EFHC2: variants seen among roughly 807,000 people sequenced by gnomAD.
EFHC2 encodes the protein EF-hand domain containing 2.
A neutral mutation model predicts 52.7 loss-of-function variants in EFHC2; 18 were observed. The ratio of observed to expected loss-of-function variants is 0.34; its 90% CI spans 0.24 to 0.51. EFHC2 has a LOEUF of 0.51. Ranked by LOEUF, EFHC2 falls within the 20% of genes least tolerant of loss-of-function variation. The probability of loss-of-function intolerance (pLI) is 0.97; values close to 1 mark genes in which losing one functional copy is unlikely to be tolerated. For missense variants in EFHC2, 513 were observed against 562.5 expected (o/e 0.91, Z 0.89); for synonymous variants, 203 against 204.1 (o/e 0.99, Z 0.04).
intron 3 of EFHC2, among the ~76,000 whole-genome samples, chrX:44,263,870 G>A (rs185153713): frequency 4.5e-5 from 5 of 111,456 alleles, no homozygotes; most frequent in Admixed American, 9.5e-5. Context: ...GCAAGTTAGC[G>A]ATGATTTTTG....
intron 14 of EFHC2, among the ~76,000 whole-genome samples, chrX:44,156,051 C>T (rs771314585): frequency 8.0e-5 from 9 of 112,402 alleles, no homozygotes; most frequent in Non-Finnish European, 1.3e-4. Context: ...AGCTAAAAGA[C>T]AGGCGTAGTT....
At chrX:44,280,027 C>CCCTACA (rs2037690323) in intron 2 of EFHC2, among the ~76,000 whole-genome samples, 1 of 76,198 alleles carries the variant, frequency 1.3e-5, no homozygotes, top group African/African-American at 8.2e-5. Context: ...CCACCATCCC[C>CCCTACA]CATACACACA....
chrX:44,330,085 CAAAAAAA>C (rs34888507), intron 1 of EFHC2, among the ~76,000 whole-genome samples: 17 of 46,386 alleles, frequency 3.7e-4, no homozygotes, highest in African/African-American at 1.4e-3. Context: ...CCTGTCTCTA[CAAAAAAA>C]AAAAAAAAAA....
chrX:44,231,489 G>T (rs2037276660), intron 10 of EFHC2, among the ~76,000 whole-genome samples: 2 of 109,784 alleles, frequency 1.8e-5, no homozygotes, highest in Admixed American at 1.9e-4. Context: ...TTCCATAGGG[G>T]TTCAACCTGC....
At chrX:44,172,068 T>A (rs906014716) in intron 13 of EFHC2, among the ~76,000 whole-genome samples, 7 of 111,981 alleles carry the variant, frequency 6.3e-5, no homozygotes, top group South Asian at 3.8e-4. Context: ...TAGACTATAA[T>A]GAGATGATTT....
rs1259914748 is a variant in EFHC2, at chrX:44,148,322, G to C, written c.*473C>G. On this transcript the variant is annotated 3_prime_UTR_variant, in exon 15 of 15. Coordinates refer to ENST00000420999, the MANE Select transcript of EFHC2 (RefSeq NM_025184.4). ...AGATAAATATATTTACTCTAGAGAG[G>C]TTTAAGAATTATTTTGATGAGGTGG... The C allele has an allele frequency of 8.6e-6, 1 of 116,580 alleles. No homozygotes were observed. Among genetic ancestry groups the C allele is most frequent in the Non-Finnish European group, 1.7e-5 (1 of 57,825 alleles). 9.6% of individuals were successfully genotyped at this position (116,580 alleles called of 1,213,427 possible).
At chrX:44,321,025 G>A (rs192430452) in intron 1 of EFHC2, among the ~76,000 whole-genome samples, 98 of 111,846 alleles carry the variant, frequency 8.8e-4, no homozygotes, top group Non-Finnish European at 1.7e-3. Flanking sequence ...AAGAACTGGG[G>A]ATATTGCAAT....
At chrX:44,293,123 C>T (rs1432453720) in intron 2 of EFHC2, among the ~76,000 whole-genome samples, 5 of 109,473 alleles carry the variant, frequency 4.6e-5, no homozygotes, top group East Asian at 2.9e-4. Context: ...ATTACAGGTA[C>T]GTGCCACCAT....
rs186129923 is a variant in EFHC2, at chrX:44,148,615, G to C, written c.*180C>G. On this transcript the variant is annotated 3_prime_UTR_variant, in exon 15 of 15. Transcript: ENST00000420999. ...GCATTTTAAATAGTAACAGTACGTC[G>C]GCAATGTAACATGATGTTCTGTAAA... 1 of 397,296 alleles carries C rather than the reference G, an allele frequency of 2.5e-6. No individual in the cohort carries two copies. 32.7% of individuals were successfully genotyped at this position (397,296 alleles called of 1,213,427 possible). A position where few individuals can be genotyped will look rare whatever the true frequency, so the allele number is the denominator to read the frequency against.
At chrX:44,314,002 AAAAAATAT>A (rs1483573758) in intron 1 of EFHC2, among the ~76,000 whole-genome samples, 1 of 111,846 alleles carries the variant, frequency 8.9e-6, no homozygotes, top group Non-Finnish European at 1.9e-5. Flanking sequence ...ACTGCCAGGC[AAAAAATAT>A]AGGTAGCTGA....
chrX:44,232,701 G>C (rs1007421817), intron 9 of EFHC2, 24 bp from the exon 10 acceptor site: 2 of 1,159,833 alleles, frequency 1.7e-6, no homozygotes, highest in Non-Finnish European at 2.3e-6. Flanking sequence ...AAAAGTTCAT[G>C]AGCAGCCTTT....
intron 13 of EFHC2, among the ~76,000 whole-genome samples, chrX:44,168,546 A>C (rs2036717811): frequency 9.1e-6 from 1 of 110,392 alleles, no homozygotes; most frequent in Non-Finnish European, 1.9e-5. Context: ...GAAAAAAAAA[A>C]AAAAGAAAGC....
chrX:44,187,135 G>GTATATATATA (rs746801274), intron 11 of EFHC2, among the ~76,000 whole-genome samples: 770 of 61,736 alleles, frequency 0.012, 93 homozygotes, highest in African/African-American at 0.048. Context: ...AAACAAAATG[G>GTATATATATA]TATATATATA....
rs138187396 is a variant in EFHC2 at position 44,202,657 on chromosome X, G to A, written c.1752-24093C>T. 4.8e-3 allele frequency among the ~76,000 whole-genome samples: 530 copies of A among 111,217 alleles called. 6 individuals are homozygous for A. Among genetic ancestry groups the A allele is most frequent in the African/African-American group, 0.017 (515 of 30,526 alleles). On this transcript the variant is annotated intron_variant, in intron 11 of 14. Coordinates refer to ENST00000420999, the MANE Select transcript of EFHC2 (RefSeq NM_025184.4). Reference sequence around the variant, plus strand: ...ACTCTCAGACTGAAACTGAGATGGAGGGTACCACACCAGCTGTGCACATGT... The same window carrying A: ...ACTCTCAGACTGAAACTGAGATGGAAGGTACCACACCAGCTGTGCACATGT...
intron 2 of EFHC2, chrX:44,310,437 G>A: frequency 1.1e-6 from 1 of 941,889 alleles, no homozygotes. Flanking sequence ...AGCTGCTGCG[G>A]GTCCGTAATG....
chrX:44,260,439 C>A (rs1849529459), intron 4 of EFHC2, among the ~76,000 whole-genome samples: 1 of 110,926 alleles, frequency 9.0e-6, no homozygotes, highest in Non-Finnish European at 1.9e-5. Flanking sequence ...AAATTTGGGC[C>A]CAGGGACTGT....
At chrX:44,249,760 T>C (rs1422849767) in intron 5 of EFHC2, among the ~76,000 whole-genome samples, 2 of 112,435 alleles carry the variant, frequency 1.8e-5, no homozygotes, top group African/African-American at 6.5e-5. Context: ...ATGTGTATGT[T>C]TGTGAGTGCA....
At chrX:44,331,276 A>G (rs1461354648) in intron 1 of EFHC2, among the ~76,000 whole-genome samples, 1 of 112,477 alleles carries the variant, frequency 8.9e-6, no homozygotes. Context: ...ACAAATTCCA[A>G]AAGGTACATA....
At chrX:44,322,272 T>C (rs1229995138) in intron 1 of EFHC2, among the ~76,000 whole-genome samples, 2 of 112,106 alleles carry the variant, frequency 1.8e-5, no homozygotes, top group African/African-American at 6.5e-5. Flanking sequence ...TTCCTGTTTA[T>C]ATACTTGCAT....
Sources: allele counts gnomAD v4.1 joint callset (sites outside exome capture counted in the v4.1 genomes callset), GRCh38; gene constraint gnomAD v4.1.1; transcripts MANE v1.5; gene names NCBI Gene and HGNC (gene_info 2026-07-23, HGNC 2026-07-21).